The following RANBP2 variants were observed in gnomAD, a reference collection of about 807,000 sequenced individuals.
RANBP2 encodes RAN binding protein 2.
A neutral mutation model predicts 303.6 loss-of-function variants in RANBP2; 57 were observed. The ratio of observed to expected loss-of-function variants is 0.19; its 90% confidence interval spans 0.15 to 0.23. The LOEUF is 0.23. Among genes scored for constraint, RANBP2 ranks in the 10% least tolerant of loss-of-function variants. The pLI is 1.00. For synonymous variants in RANBP2, 1,167 were observed against 1,301.5 expected (o/e 0.90, Z 2.23); for missense variants, 3,138 against 3,780.8 (o/e 0.83, Z 4.46).
the RANBP2 span, among the ~76,000 whole-genome samples, chr2:109,315,094 T>TG: frequency 3.3e-5 from 5 of 152,238 alleles, no homozygotes; most frequent in Non-Finnish European, 5.9e-5. Flanking sequence ...AAAGTTCCAC[T>TG]GGACAGCACT....
chr2:108,943,697 T>C, the RANBP2 span, among the ~76,000 whole-genome samples: 2 of 152,194 alleles, frequency 1.3e-5, no homozygotes, highest in Admixed American at 6.5e-5. Context: ...CATCCTTTCT[T>C]GGCTCTTTCT....
the RANBP2 span, chr2:108,791,520 T>G: frequency 2.4e-6 from 2 of 832,406 alleles, no homozygotes; most frequent in Non-Finnish European, 4.0e-6. Flanking sequence ...TGTTAGTTTT[T>G]ACGTTTTTTC....
chr2:109,537,270 A>C, the RANBP2 span, among the ~76,000 whole-genome samples: 1 of 152,348 alleles, frequency 6.6e-6, no homozygotes, highest in South Asian at 2.1e-4. Context: ...AAGTCTTAAA[A>C]TGATGCTTTT....
the RANBP2 span, among the ~76,000 whole-genome samples, chr2:108,873,154 G>A: frequency 2.6e-5 from 4 of 151,910 alleles, no homozygotes; most frequent in East Asian, 1.9e-4. Flanking sequence ...TTATTGTTAC[G>A]AACTTACTGA....
the RANBP2 span, among the ~76,000 whole-genome samples, chr2:108,819,492 C>T: frequency 1.3e-5 from 2 of 151,840 alleles, no homozygotes; most frequent in African/African-American, 4.8e-5. Flanking sequence ...TGCTGCAGCA[C>T]GTAAGAGCTG....
chr2:109,272,412 C>T, the RANBP2 span, among the ~76,000 whole-genome samples: 1 of 152,222 alleles, frequency 6.6e-6, no homozygotes, highest in Non-Finnish European at 1.5e-5. Flanking sequence ...AAGCACGAAG[C>T]CAGCTGTCTG....
At chr2:109,172,539 C>A in the RANBP2 span, among the ~76,000 whole-genome samples, 2 of 152,212 alleles carry the variant, frequency 1.3e-5, no homozygotes, top group Non-Finnish European at 2.9e-5. Context: ...CCGCTTGTCC[C>A]GTCCTAGCTC....
At chr2:109,614,001 C>T in the RANBP2 span, 1 of 859,580 alleles carries the variant, frequency 1.2e-6, no homozygotes, top group Non-Finnish European at 1.4e-6. Context: ...CCTCCGGGGG[C>T]GGGGTTGGGG....
At chr2:109,229,125 C>T in the RANBP2 span, among the ~76,000 whole-genome samples, 14 of 152,222 alleles carry the variant, frequency 9.2e-5, no homozygotes, top group East Asian at 9.7e-4. Context: ...CTCCTAGCCC[C>T]GCTATCACTC....
At chr2:109,431,850 G>T in the RANBP2 span, among the ~76,000 whole-genome samples, 4 of 151,860 alleles carry the variant, frequency 2.6e-5, no homozygotes, top group Non-Finnish European at 5.9e-5. Context: ...CAGCCTGGGT[G>T]ACAGGGTGAG....
the RANBP2 span, among the ~76,000 whole-genome samples, chr2:109,647,112 G>A: frequency 2.7e-5 from 4 of 149,060 alleles, no homozygotes; most frequent in Non-Finnish European, 5.9e-5. Flanking sequence ...CTTCCTGTGC[G>A]TGATCCTTTT....
At chr2:108,795,550 G>A in the RANBP2 span, among the ~76,000 whole-genome samples, 6 of 152,184 alleles carry the variant, frequency 3.9e-5, no homozygotes, top group East Asian at 3.8e-4. Flanking sequence ...AATTCTTCCC[G>A]TTGGAAACAC....
the RANBP2 span, among the ~76,000 whole-genome samples, chr2:108,824,174 TTTC>T: frequency 6.6e-6 from 1 of 152,176 alleles, no homozygotes; most frequent in African/African-American, 2.4e-5. Flanking sequence ...AAAAAAATTT[TTTC>T]TTCATTAACA....
At chr2:109,568,659 T>C in the RANBP2 span, among the ~76,000 whole-genome samples, 2 of 57,150 alleles carry the variant, frequency 3.5e-5, no homozygotes, top group East Asian at 3.9e-4. Flanking sequence ...TGATAAAAGG[T>C]AAACTGAATT....
At chr2:109,447,508 A>G in the RANBP2 span, among the ~76,000 whole-genome samples, 4 of 152,204 alleles carry the variant, frequency 2.6e-5, no homozygotes, top group Non-Finnish European at 4.4e-5. Context: ...AAATGATTAC[A>G]GTATGACATA....
chr2:109,434,343 C>T, the RANBP2 span, among the ~76,000 whole-genome samples: 4 of 152,252 alleles, frequency 2.6e-5, no homozygotes, highest in Admixed American at 6.5e-5. Context: ...GGGAGGCCAT[C>T]GGCTTCCCAG....
chr2:109,057,753 C>G, the RANBP2 span, among the ~76,000 whole-genome samples: 1 of 152,184 alleles, frequency 6.6e-6, no homozygotes, highest in East Asian at 1.9e-4. Flanking sequence ...AAGCACCCCA[C>G]CTCTTCCTTC....
At chr2:109,550,917 G>A in the RANBP2 span, among the ~76,000 whole-genome samples, 1 of 152,170 alleles carries the variant, frequency 6.6e-6, no homozygotes. Flanking sequence ...GGGCATAAAT[G>A]TTAAATGAAA....
the RANBP2 span, among the ~76,000 whole-genome samples, chr2:108,931,743 G>A: frequency 6.6e-6 from 1 of 150,674 alleles, no homozygotes; most frequent in Non-Finnish European, 1.5e-5. Flanking sequence ...TTTTTTGCTT[G>A]TTTTTTCACT....
Sources: gnomAD v4.1 joint callset for allele counts (sites outside exome capture counted in the v4.1 genomes callset) on GRCh38, gnomAD v4.1.1 for gene constraint, MANE v1.5 for transcripts, NCBI Gene and HGNC (gene_info 2026-07-23, HGNC 2026-07-21) for gene names.